Variants in TRPM3 observed in about 807,000 individuals in gnomAD.
TRPM3 encodes the protein transient receptor potential cation channel subfamily M member 3.
A neutral mutation model predicts 181.2 loss-of-function variants in TRPM3; 77 were observed. That is an observed-to-expected ratio of 0.42 (90% CI 0.35 to 0.51). TRPM3 has a LOEUF of 0.51. Among genes scored for constraint, TRPM3 ranks in the 20% least tolerant of loss-of-function variants. The pLI, the probability that TRPM3 is intolerant of heterozygous loss-of-function variation, is 0.01. For missense variants in TRPM3, 1,759 were observed against 2,196.7 expected (o/e 0.80, Z 3.98); for synonymous variants, 745 against 796.4 (o/e 0.94, Z 1.09).
Position 70,933,360 on chromosome 9 carries a change from T to C in TRPM3, c.178-68849A>G, listed in dbSNP as rs181296010. Among the ~76,000 whole-genome samples the C allele has an allele frequency of 9.2e-5, 14 of 152,330 alleles. No homozygotes were observed. In the East Asian group the frequency reaches 2.7e-3, roughly 29 times the overall value. ...GGGTAAGAGGAGAATAGGATCTTGG[T>C]TGAGACTTAACTCTAACATTTAAGG... On this transcript the variant is annotated intron_variant, in intron 1 of 25. Coordinates refer to ENST00000677713, the MANE Select transcript of TRPM3 (RefSeq NM_001366145.2).
At chr9:71,326,087 A>G (rs1020544087) in intron 1 of TRPM3, among the ~76,000 whole-genome samples, 1 of 152,202 alleles carries the variant, frequency 6.6e-6, no homozygotes, top group African/African-American at 2.4e-5. Flanking sequence ...ATGTCAGAAA[A>G]TATTTTTACT....
At chr9:71,413,272 A>G (rs940463542) in intron 1 of TRPM3, among the ~76,000 whole-genome samples, 1 of 152,116 alleles carries the variant, frequency 6.6e-6, no homozygotes, top group Non-Finnish European at 1.5e-5. Flanking sequence ...AAAAATTTAT[A>G]ACTCATATTT....
intron 1 of TRPM3, among the ~76,000 whole-genome samples, chr9:71,112,293 TAGATG>T (rs2071284387): frequency 6.6e-6 from 1 of 152,242 alleles, no homozygotes; most frequent in Admixed American, 6.5e-5. Flanking sequence ...ACATGATGAA[TAGATG>T]AGATAATTTT....
At chr9:70,815,423 G>T (rs62545998) in intron 6 of TRPM3, among the ~76,000 whole-genome samples, 4,544 of 152,156 alleles carry the variant, frequency 0.03, 93 homozygotes, top group Middle Eastern at 0.058. Context: ...TTTAATAGGG[G>T]CAGCCAAATT....
At chr9:70,959,731 G>C (rs566250705) in intron 1 of TRPM3, among the ~76,000 whole-genome samples, 1 of 152,004 alleles carries the variant, frequency 6.6e-6, no homozygotes, top group Admixed American at 6.6e-5. Flanking sequence ...TAACTCTTCC[G>C]CACCATTTTG....
chr9:71,020,799 G>A (rs989154681), intron 1 of TRPM3, among the ~76,000 whole-genome samples: 3 of 152,084 alleles, frequency 2.0e-5, no homozygotes, highest in Non-Finnish European at 4.4e-5. Flanking sequence ...GGAAAACTTA[G>A]GAATACTGTT....
At chr9:71,023,858 G>A (rs553714995) in intron 1 of TRPM3, among the ~76,000 whole-genome samples, 13 of 152,184 alleles carry the variant, frequency 8.5e-5, no homozygotes, top group South Asian at 8.3e-4. Flanking sequence ...GAGAGAAGGC[G>A]TAGTTATAAA....
intron 1 of TRPM3, among the ~76,000 whole-genome samples, chr9:71,434,639 G>A (rs2094006377): frequency 6.6e-6 from 1 of 152,120 alleles, no homozygotes; most frequent in Non-Finnish European, 1.5e-5. Flanking sequence ...AGTTGTACTT[G>A]CAGTAATTTG....
chr9:70,548,359 T>C lies in TRPM3; in HGVS notation c.3707+1183A>G, dbSNP rs553576996. Reference sequence around the variant, plus strand: ...TTTATTAGTATTGGCTGAGTACCGATGGATACTATCACTTAATGGCATATG... The same window carrying C: ...TTTATTAGTATTGGCTGAGTACCGACGGATACTATCACTTAATGGCATATG... On this transcript the variant is annotated intron_variant, in intron 25 of 25. Coordinates refer to ENST00000677713, the MANE Select transcript of TRPM3 (RefSeq NM_001366145.2). Among the ~76,000 whole-genome samples, 6 of 152,370 alleles carry C rather than the reference T, an allele frequency of 3.9e-5. No individual in the cohort carries two copies. In the South Asian group the frequency reaches 1.2e-3, roughly 32 times the overall value.
chr9:70,638,660 CT>C (rs1442872729), intron 11 of TRPM3, among the ~76,000 whole-genome samples: 1 of 152,136 alleles, frequency 6.6e-6, no homozygotes, highest in Non-Finnish European at 1.5e-5. Context: ...CTTCATAGCT[CT>C]GAGGATAAAA....
chr9:71,283,626 G>A (rs770664132), intron 1 of TRPM3, among the ~76,000 whole-genome samples: 28 of 152,178 alleles, frequency 1.8e-4, no homozygotes, highest in African/African-American at 2.4e-4. Flanking sequence ...AAGCTAAATC[G>A]TATCCCATTG....
At chr9:71,150,562 A>C (rs916961131) in intron 1 of TRPM3, among the ~76,000 whole-genome samples, 3 of 152,152 alleles carry the variant, frequency 2.0e-5, no homozygotes, top group Admixed American at 1.3e-4. Flanking sequence ...AATACTATCG[A>C]AACAGATCAA....
rs17535963 is a variant in TRPM3 at position 70,535,957 on chromosome 9, T to C, written c.5156A>G (p.Asn1719Ser). The C allele has an allele frequency of 1.9e-6, 3 of 1,590,758 alleles. No individual in the cohort carries two copies. Among genetic ancestry groups the C allele is most frequent in the Non-Finnish European group, 2.6e-6 (3 of 1,169,900 alleles). Residue 1719 changes from asparagine to serine, a missense_variant, in exon 26 of 26, where the codon AAC becomes AGC. Physicochemically the swap from Asn to Ser is conservative, Grantham distance 46. This residue lies in a region of TRPM3 where 612 missense variants were observed against 590.0 expected (regional missense o/e 1.04). Transcript: ENST00000677713. ...SAFQSFESKHN is the reference protein window; with the variant it reads ...SAFQSFESKHS ...TGTGGCGGATATTAAGAAGGTTTAG[T>C]TGTGCTTGCTTTCAAAGCTTTGGAA...
At chr9:71,421,754 C>T (rs144191646) in intron 1 of TRPM3, among the ~76,000 whole-genome samples, 4 of 151,950 alleles carry the variant, frequency 2.6e-5, no homozygotes, top group East Asian at 3.9e-4. Context: ...GGGACTGTGC[C>T]GAGTGCTGTT....
In TRPM3 at chr9:70,620,120, G is replaced by A. The variant is rs551873170; in HGVS notation, c.2085C>T (p.Asn695=). ...CKAMAHEASE[N]DMVDDISQEL... ...CCTGGGAAATGTCGTCAACCATGTC[G>A]TTCTCAGAGGCCTCATGAGCCATGG... is the stretch of plus-strand genomic sequence containing the variant. Residue 695 remains asparagine, a synonymous_variant, in exon 16 of 26, where the codon AAC becomes AAT. Transcript: ENST00000677713. 1.2e-5 allele frequency: 19 copies of A among 1,612,886 alleles called. No individual in the cohort carries two copies. Among genetic ancestry groups the A allele is most frequent in the South Asian group, 8.8e-5 (8 of 91,056 alleles).
intron 6 of TRPM3, among the ~76,000 whole-genome samples, chr9:70,816,186 G>A (rs1380140428): frequency 2.0e-5 from 3 of 152,186 alleles, no homozygotes; most frequent in Non-Finnish European, 2.9e-5. Flanking sequence ...ACTATTTATT[G>A]AGAGAACTCT....
At chr9:71,008,022 A>C (rs922293195) in intron 1 of TRPM3, among the ~76,000 whole-genome samples, 9 of 152,216 alleles carry the variant, frequency 5.9e-5, no homozygotes, top group African/African-American at 2.2e-4. Flanking sequence ...TATGGACAAA[A>C]ATTTAGTTAT....
intron 12 of TRPM3, among the ~76,000 whole-genome samples, chr9:70,633,092 G>T (rs987456485): frequency 2.6e-5 from 4 of 152,170 alleles, no homozygotes; most frequent in Non-Finnish European, 5.9e-5. Flanking sequence ...TCTTTTTAAA[G>T]GTTTGGGTTG....
intron 6 of TRPM3, chr9:70,793,469 A>AAAAAAAAAT (rs1491522415): frequency 8.1e-6 from 1 of 123,216 alleles, no homozygotes; most frequent in African/African-American, 3.0e-5. Flanking sequence ...AAAAAAAAAA[A>AAAAAAAAAT]ATATATATAT....
Sources: gnomAD v4.1 joint callset for allele counts (sites outside exome capture counted in the v4.1 genomes callset) on GRCh38, gnomAD v4.1.1 for gene constraint, gnomAD v4.1.1 regional missense constraint, MANE v1.5 for transcripts, NCBI Gene and HGNC (gene_info 2026-07-23, HGNC 2026-07-21) for gene names.